DOCK4: variants seen among roughly 807,000 people sequenced by gnomAD.
The protein encoded by DOCK4 is dedicator of cytokinesis 4.
DOCK4 carries 97 observed loss-of-function variants against 268.1 expected under a neutral mutation model. The ratio of observed to expected loss-of-function variants is 0.36; its 90% CI spans 0.31 to 0.43. The LOEUF (loss-of-function observed/expected upper bound fraction) is 0.43. Ranked by LOEUF, DOCK4 falls within the 20% of genes least tolerant of loss-of-function variation. The pLI is 1.00. For missense variants in DOCK4, 2,145 were observed against 2,455.7 expected (o/e 0.87, Z 2.67); for synonymous variants, 954 against 887.2 (o/e 1.08, Z -1.34).
At chr7:111,955,121 C>T (rs1796359175) in intron 8 of DOCK4, among the ~76,000 whole-genome samples, 2 of 152,150 alleles carry the variant, frequency 1.3e-5, no homozygotes, top group African/African-American at 2.4e-5. Flanking sequence ...AAGACTTTTC[C>T]CCTCTTCCTC....
intron 38 of DOCK4, among the ~76,000 whole-genome samples, chr7:111,765,584 C>A (rs1353847844): frequency 6.6e-6 from 1 of 152,168 alleles, no homozygotes; most frequent in Non-Finnish European, 1.5e-5. Context: ...ATATTTTCTT[C>A]ACAATCAAGT....
chr7:111,728,652 A>G lies in DOCK4; in HGVS notation c.5550T>C (p.Pro1850=), dbSNP rs1585795625. The change falls in exon 53 of 53, where the codon CCT becomes CCC. Residue 1850 remains proline (P), a synonymous_variant. Coordinates refer to ENST00000428084, the MANE Select transcript of DOCK4 (RefSeq NM_001363540.2). ...CACTGCTGTAGCTGCCCGACAAGAC[A>G]GGGGAGTTGGAGATGAGTCCTGGCG... ...YHSPGLISNS[P]VLSGSYSSGI... 2 of 1,613,894 alleles carry G rather than the reference A, an allele frequency of 1.2e-6. No individual in the cohort carries two copies. Among genetic ancestry groups the G allele is most frequent in the Non-Finnish European group, 1.7e-6 (2 of 1,179,906 alleles).
rs560547844 is a variant in DOCK4 at position 112,069,785 on chromosome 7, T to C, written c.38-65654A>G. Among the ~76,000 whole-genome samples the C allele has an allele frequency of 7.9e-5, 12 of 151,958 alleles. 1 individual carries two copies. The highest frequency in any genetic ancestry group is 2.4e-4 in the African/African-American group (10 of 41,428). On this transcript the variant is annotated intron_variant, in intron 1 of 52. Transcript: ENST00000428084. Reference sequence around the variant, plus strand: ...CTCCATTGAAACAGATCCACTGCATTAAAAAAGAAATAAGAAAAATAAAGG... The same window carrying C: ...CTCCATTGAAACAGATCCACTGCATCAAAAAAGAAATAAGAAAAATAAAGG...
intron 1 of DOCK4, among the ~76,000 whole-genome samples, chr7:112,067,816 T>C (rs1807218249): frequency 6.6e-6 from 1 of 152,206 alleles, no homozygotes; most frequent in African/African-American, 2.4e-5. Context: ...GCTTACCACA[T>C]TACTGCCATG....
chr7:111,737,928 G>A (rs367723666), intron 49 of DOCK4, among the ~76,000 whole-genome samples: 3 of 152,108 alleles, frequency 2.0e-5, no homozygotes, highest in African/African-American at 7.2e-5. Context: ...GTGCAGAGGC[G>A]GTACCCTGGG....
chr7:111,866,546 A>G (rs1339098238), intron 22 of DOCK4, among the ~76,000 whole-genome samples: 1 of 152,212 alleles, frequency 6.6e-6, no homozygotes, highest in Non-Finnish European at 1.5e-5. Flanking sequence ...TGTGGGATAG[A>G]GCTCAGAGAA....
At chr7:112,047,746 G>A (rs1804950243) in intron 1 of DOCK4, among the ~76,000 whole-genome samples, 1 of 152,156 alleles carries the variant, frequency 6.6e-6, no homozygotes, top group East Asian at 1.9e-4. Flanking sequence ...AGGCTGGAGG[G>A]CAATGGCATG....
At chr7:111,897,910 T>C (rs1808894846) in intron 15 of DOCK4, among the ~76,000 whole-genome samples, 1 of 152,250 alleles carries the variant, frequency 6.6e-6, no homozygotes, top group Admixed American at 6.5e-5. Flanking sequence ...ATCTTTGGGT[T>C]ACCCTGGACT....
At chr7:112,092,138 A>G (rs1182227688) in intron 1 of DOCK4, among the ~76,000 whole-genome samples, 1 of 152,140 alleles carries the variant, frequency 6.6e-6, no homozygotes, top group African/African-American at 2.4e-5. Context: ...TGGCTGTGTA[A>G]TAACTTTGTT....
At chr7:111,791,467 T>G (rs886175364) in intron 30 of DOCK4, among the ~76,000 whole-genome samples, 3 of 152,000 alleles carry the variant, frequency 2.0e-5, no homozygotes, top group African/African-American at 7.2e-5. Flanking sequence ...GTTTTTTTTT[T>G]GACATGGAGT....
At chr7:112,134,609 A>G (rs1453137565) in intron 1 of DOCK4, among the ~76,000 whole-genome samples, 2 of 152,124 alleles carry the variant, frequency 1.3e-5, no homozygotes, top group African/African-American at 4.8e-5. Flanking sequence ...CCAGCTACTC[A>G]GGAGGCTGAG....
intron 1 of DOCK4, among the ~76,000 whole-genome samples, chr7:112,031,417 T>C (rs1803258961): frequency 6.6e-6 from 1 of 152,226 alleles, no homozygotes. Flanking sequence ...CAGTTTTCTT[T>C]TCCTTTTTTC....
chr7:111,823,067 G>C (rs557513322), intron 26 of DOCK4, among the ~76,000 whole-genome samples: 22 of 152,256 alleles, frequency 1.4e-4, no homozygotes, highest in African/African-American at 5.1e-4. Flanking sequence ...GGAGTGCTTA[G>C]TAGTTATGAG....
At chr7:111,933,408 C>T (rs918472848) in intron 12 of DOCK4, among the ~76,000 whole-genome samples, 5 of 150,404 alleles carry the variant, frequency 3.3e-5, no homozygotes, top group African/African-American at 1.2e-4. Flanking sequence ...GATTCTCCTG[C>T]CTCAGACTCC....
rs149691071 is a variant in DOCK4 at position 112,179,967 on chromosome 7, G to C, written c.37+26135C>G. ...GTCAATCTAGTTTTAAAACGGGGTG[G>C]AGTGGGGGTGGGTGCACACACAGCA... On this transcript the variant is annotated intron_variant, in intron 1 of 52. Transcript: ENST00000428084. Among the ~76,000 whole-genome samples, 757 of 152,248 alleles carry C rather than the reference G, an allele frequency of 5.0e-3. 9 individuals carry two copies. The highest frequency in any genetic ancestry group is 0.017 in the African/African-American group (703 of 41,538).
At chr7:112,147,107 T>C (rs933251177) in intron 1 of DOCK4, among the ~76,000 whole-genome samples, 1 of 152,164 alleles carries the variant, frequency 6.6e-6, no homozygotes, top group Non-Finnish European at 1.5e-5. Flanking sequence ...TATTTGATGG[T>C]AATACAGTTC....
chr7:111,868,216 G>T, intron 21 of DOCK4, 62 bp from the exon 22 acceptor site: 1 of 1,294,254 alleles, frequency 7.7e-7, no homozygotes, highest in South Asian at 1.5e-5. Context: ...ATTTAGCAAT[G>T]ACACGGCATA....
At chr7:111,785,176 G>A (rs563817256) in intron 32 of DOCK4, among the ~76,000 whole-genome samples, 1 of 152,262 alleles carries the variant, frequency 6.6e-6, no homozygotes, top group East Asian at 1.9e-4. Flanking sequence ...TAGGTTAAGA[G>A]TGGAAACTGC....
At chr7:112,094,875 G>A (rs1274005109) in intron 1 of DOCK4, among the ~76,000 whole-genome samples, 2 of 152,116 alleles carry the variant, frequency 1.3e-5, no homozygotes, top group East Asian at 1.9e-4. Flanking sequence ...TTCACCATGC[G>A]ATGTGCTTGC....
Sources: gnomAD v4.1 joint callset for allele counts (sites outside exome capture counted in the v4.1 genomes callset) on GRCh38, gnomAD v4.1.1 for gene constraint, MANE v1.5 for transcripts, NCBI Gene and HGNC (gene_info 2026-07-23, HGNC 2026-07-21) for gene names.